Variants in SPHKAP observed in about 807,000 individuals in gnomAD.
The protein encoded by SPHKAP is SPHK1 interactor, AKAP domain containing.
In SPHKAP, 67 loss-of-function variants were observed where a neutral mutation model predicts 137.5. The ratio of observed to expected loss-of-function variants is 0.49; its 90% confidence interval spans 0.40 to 0.60. The LOEUF is 0.60. SPHKAP is among the 20% of genes least tolerant of loss of function. SPHKAP has a pLI of 0.00. For synonymous variants in SPHKAP, 813 were observed against 785.3 expected, an observed-to-expected ratio of 1.04 and a Z score of -0.59; for missense variants, 2,097 against 2,069.3, an observed-to-expected ratio of 1.01 and a Z score of -0.26.
chr2:228,071,158 G>A (rs1025487871), intron 3 of SPHKAP, among the ~76,000 whole-genome samples: 1 of 152,080 alleles, frequency 6.6e-6, no homozygotes, highest in African/African-American at 2.4e-5. Flanking sequence ...TTATAGTATG[G>A]GTAGTCCTGG....
intron 7 of SPHKAP, among the ~76,000 whole-genome samples, chr2:228,007,991 T>G (rs1201237665): frequency 1.3e-5 from 2 of 152,174 alleles, no homozygotes; most frequent in East Asian, 3.9e-4. Context: ...CTCCTTGACT[T>G]AAACTGATTT....
intron 3 of SPHKAP, among the ~76,000 whole-genome samples, chr2:228,029,079 A>T (rs568023746): frequency 6.6e-6 from 1 of 152,322 alleles, no homozygotes; most frequent in African/African-American, 2.4e-5. Flanking sequence ...ATCTGACTGC[A>T]GGCAGGCCTA....
At chr2:228,085,406 A>G (rs549788236) in intron 3 of SPHKAP, among the ~76,000 whole-genome samples, 96 of 152,336 alleles carry the variant, frequency 6.3e-4, no homozygotes, top group African/African-American at 2.3e-3. Context: ...ATATAGGACT[A>G]AGCTCTCTTG....
In SPHKAP at chr2:228,143,502, T is replaced by G. The variant is rs1699669533; in HGVS notation, c.33-11417A>C. Among the ~76,000 whole-genome samples the G allele has an allele frequency of 2.0e-5, 3 of 152,018 alleles. No homozygotes were observed. In the South Asian group the frequency reaches 6.2e-4, roughly 32 times the overall value. ...ATTTTATTTTTATTTTTAATTTTAA[T>G]TTTAATTTTTGAGATGGGGGTCTCA... is the stretch of plus-strand genomic sequence containing the variant. On this transcript the variant is annotated intron_variant, in intron 1 of 11. Transcript: ENST00000392056.
intron 3 of SPHKAP, chr2:228,027,979 A>G (rs1415814254): frequency 2.0e-6 from 2 of 977,786 alleles, no homozygotes; most frequent in Non-Finnish European, 2.4e-6. Flanking sequence ...AAAAAAAAGA[A>G]AAAAGAAAAA....
intron 3 of SPHKAP, among the ~76,000 whole-genome samples, chr2:228,058,759 C>A (rs993897932): frequency 1.5e-4 from 23 of 152,268 alleles, no homozygotes; most frequent in Middle Eastern, 3.4e-3. Context: ...CATAAATTCC[C>A]AAATAGAAGA....
intron 3 of SPHKAP, among the ~76,000 whole-genome samples, chr2:228,060,049 C>T (rs770383700): frequency 5.3e-5 from 8 of 152,152 alleles, no homozygotes; most frequent in Non-Finnish European, 1.0e-4. Context: ...AACAGTAGAA[C>T]TAAAAGTTTG....
chr2:228,123,007 C>T (rs1197589124), intron 2 of SPHKAP, among the ~76,000 whole-genome samples: 2 of 152,172 alleles, frequency 1.3e-5, no homozygotes, highest in African/African-American at 4.8e-5. Flanking sequence ...TCCTCCTGAT[C>T]TTGACTGCCA....
intron 11 of SPHKAP, among the ~76,000 whole-genome samples, chr2:227,987,231 C>T (rs879930847): frequency 6.6e-6 from 1 of 152,228 alleles, no homozygotes; most frequent in Non-Finnish European, 1.5e-5. Context: ...GAATAAATGT[C>T]TGTCCCACAT....
rs76898059 is a variant in SPHKAP at position 228,059,157 on chromosome 2, T to G, written c.247-31614A>C. Among the ~76,000 whole-genome samples the G allele has an allele frequency of 1.1e-3, 174 of 152,352 alleles. 5 individuals are homozygous for G. The East Asian group carries it at 0.029, about 26-fold the overall frequency. On this transcript the variant is annotated intron_variant, in intron 3 of 11. Transcript: ENST00000392056. ...GTTAGTGCTGTGTGATATTCTACTG[T>G]CTGGATGCACCATGGTTTGTTTATC...
intron 2 of SPHKAP, among the ~76,000 whole-genome samples, chr2:228,115,642 C>T (rs10209821): frequency 0.34 from 52,061 of 151,710 alleles, 9,148 homozygotes; most frequent in East Asian, 0.5. Flanking sequence ...AATATGTAAC[C>T]AGTCTCCATA....
chr2:228,170,587 C>T (rs1442258916), intron 1 of SPHKAP, among the ~76,000 whole-genome samples: 1 of 152,072 alleles, frequency 6.6e-6, no homozygotes, highest in African/African-American at 2.4e-5. Flanking sequence ...AGCAAAAGAT[C>T]ATAACTCTCT....
At chr2:228,041,540 A>G (rs1191648640) in intron 3 of SPHKAP, among the ~76,000 whole-genome samples, 2 of 150,580 alleles carry the variant, frequency 1.3e-5, no homozygotes, top group Non-Finnish European at 3.0e-5. Flanking sequence ...GCTACTCAGG[A>G]GGCTGAGGCA....
At chr2:228,080,775 AATAAAAT>A (rs1697341813) in intron 3 of SPHKAP, among the ~76,000 whole-genome samples, 1 of 83,960 alleles carries the variant, frequency 1.2e-5, no homozygotes, top group Non-Finnish European at 2.4e-5. Flanking sequence ...AATAAAATAA[AATAAAAT>A]AAAACCAAAC....
chr2:228,018,224 T>C lies in SPHKAP; in HGVS notation c.2630A>G (p.Glu877Gly). Residue 877 changes from glutamate (E) to glycine (G), a missense_variant, in exon 7 of 12, where the codon GAG (glutamate) becomes GGG (glycine). Coordinates refer to ENST00000392056, the MANE Select transcript of SPHKAP (RefSeq NM_001142644.2). The part of the protein sequence containing the change: ...QSRSGSQEAE[E>G]SIHPNTQEKY... The stretch of plus-strand genomic sequence containing the variant: ...TTCTTGGGTGTTTGGGTGGATACTC[T>C]CCTCAGCCTCCTGGGAACCACTTCT... 1.2e-6 allele frequency: 2 copies of C among 1,614,146 alleles called. No homozygotes were observed. Among genetic ancestry groups the C allele is most frequent in the South Asian group, 2.2e-5 (2 of 91,070 alleles).
intron 1 of SPHKAP, among the ~76,000 whole-genome samples, chr2:228,167,017 G>A (rs1331448757): frequency 2.0e-5 from 3 of 152,060 alleles, no homozygotes; most frequent in African/African-American, 4.8e-5. Flanking sequence ...TCACTATCAC[G>A]AGGACAGCAC....
chr2:228,053,911 T>C (rs1002893119), intron 3 of SPHKAP, among the ~76,000 whole-genome samples: 1 of 152,184 alleles, frequency 6.6e-6, no homozygotes, highest in Non-Finnish European at 1.5e-5. Context: ...TAAGTGTGGT[T>C]TCAGGAGGGA....
At chr2:228,124,734 AG>A (rs1248341676) in intron 2 of SPHKAP, among the ~76,000 whole-genome samples, 2 of 66,596 alleles carry the variant, frequency 3.0e-5, no homozygotes, top group African/African-American at 9.4e-5. Context: ...AAGTATAAAA[AG>A]AAAAAAGTCT....
At chr2:228,067,414 C>A (rs115228891) in intron 3 of SPHKAP, among the ~76,000 whole-genome samples, 1,619 of 152,254 alleles carry the variant, frequency 0.011, 20 homozygotes, top group Non-Finnish European at 0.012. Context: ...CTATACTGAG[C>A]TAGGAATCTG....
Sources: gnomAD v4.1 joint callset for allele counts (sites outside exome capture counted in the v4.1 genomes callset) on GRCh38, gnomAD v4.1.1 for gene constraint, MANE v1.5 for transcripts, NCBI Gene and HGNC (gene_info 2026-07-23, HGNC 2026-07-21) for gene names.